The following C10orf143 variants were observed in gnomAD, a reference collection of about 807,000 sequenced individuals.
C10orf143 encodes the protein uncharacterized protein C10orf143.
Position 130,110,569 on chromosome 10 carries a change from G to A in C10orf143, c.69+135C>T, listed in dbSNP as rs1050177304. On this transcript the variant is annotated intron_variant, in intron 1 of 3. Coordinates refer to ENST00000637128, the MANE Select transcript of C10orf143 (RefSeq NM_001355042.2). ...TCACTGGCCACGCCCTCCCAGGGAC[G>A]TACGCGAGCGTGCGAGTGTCTTGGG... 7 of 397,006 alleles carry A rather than the reference G, an allele frequency of 1.8e-5. No homozygotes were observed. The East Asian group carries it at 2.1e-4, about 12-fold the overall frequency. The allele number at this position is 397,006 out of a possible 1,614,324, so 24.6% of individuals were successfully genotyped here. A position where few individuals can be genotyped will look rare whatever the true frequency, so the allele number is the denominator to read the frequency against.
rs1860893485 is a variant in C10orf143, at chr10:130,064,247, AT to A, written c.*106del. ...CACCCACAGAGGACACCGGGCTGCT[AT>A]TTGAACAGGTAAGTCCCCAAACCCA... On this transcript the variant is annotated 3_prime_UTR_variant, in exon 4 of 4. Transcript: ENST00000637128. The A allele has an allele frequency of 2.5e-6, 1 of 396,454 alleles. No individual in the cohort carries two copies. Among genetic ancestry groups the A allele is most frequent in the Non-Finnish European group, 4.4e-6 (1 of 224,792 alleles). The allele number at this position is 396,454 out of a possible 1,614,324, so 24.6% of individuals were successfully genotyped here. A position where few individuals can be genotyped will look rare whatever the true frequency, so the allele number is the denominator to read the frequency against.
At chr10:130,082,830 G>C (rs904967059) in intron 1 of C10orf143, among the ~76,000 whole-genome samples, 20 of 152,116 alleles carry the variant, frequency 1.3e-4, no homozygotes, top group Non-Finnish European at 2.5e-4. Flanking sequence ...CAATTCCTAG[G>C]AGAAAATACA....
In C10orf143 at chr10:130,065,258, G is replaced by T. The variant is rs189971642; in HGVS notation, c.298-875C>A. 1 of 152,216 alleles carries T rather than the reference G, an allele frequency of 6.6e-6. No homozygotes were observed. The highest frequency in any genetic ancestry group is 1.5e-5 in the Non-Finnish European group (1 of 68,082). 9.4% of individuals were successfully genotyped at this position (152,216 alleles called of 1,614,324 possible). A position where few individuals can be genotyped will look rare whatever the true frequency, so the allele number is the denominator to read the frequency against. On this transcript the variant is annotated intron_variant, in intron 3 of 3. Coordinates refer to ENST00000637128, the MANE Select transcript of C10orf143 (RefSeq NM_001355042.2). This position sits in a 1 kb window ranked among gnomAD's most constrained non-coding sequence, Gnocchi z 4.2. Reference sequence around the variant, plus strand: ...GATTATCAGACAGCAGAGTACTGACGTCAGATACTGATGGCTCCTTCGAGT... The same window carrying T: ...GATTATCAGACAGCAGAGTACTGACTTCAGATACTGATGGCTCCTTCGAGT...
intron 1 of C10orf143, among the ~76,000 whole-genome samples, chr10:130,084,500 C>T (rs1564963982): frequency 6.6e-6 from 1 of 152,160 alleles, no homozygotes; most frequent in Non-Finnish European, 1.5e-5. Flanking sequence ...AGCAAAGTTT[C>T]TCACTGTTTA....
At chr10:130,089,943 T>C (rs774925722) in intron 1 of C10orf143, among the ~76,000 whole-genome samples, 86 of 152,252 alleles carry the variant, frequency 5.6e-4, no homozygotes, top group Non-Finnish European at 9.7e-4. Flanking sequence ...ACTAAAAGTG[T>C]AAAATTTTTA....
At chr10:130,058,611 A>G (rs1452001329) in intron 3 of C10orf143, among the ~76,000 whole-genome samples, 2 of 147,516 alleles carry the variant, frequency 1.4e-5, no homozygotes, top group African/African-American at 2.5e-5. Context: ...ATGATCTGGT[A>G]TAACAGTTAC....
At chr10:130,067,786 G>A (rs1042294903) in intron 3 of C10orf143, 2 of 152,322 alleles carry the variant, frequency 1.3e-5, no homozygotes, top group Non-Finnish European at 2.9e-5. Context: ...TCACACCCTT[G>A]CCTCATCTTC....
At chr10:130,042,965 G>A (rs151195692) in intron 3 of C10orf143, among the ~76,000 whole-genome samples, 25 of 152,278 alleles carry the variant, frequency 1.6e-4, no homozygotes, top group African/African-American at 5.5e-4. Flanking sequence ...GTGGAATTAC[G>A]GATTACCTTA....
At chr10:130,039,043 A>C (rs1448800687) in intron 3 of C10orf143, among the ~76,000 whole-genome samples, 1 of 152,186 alleles carries the variant, frequency 6.6e-6, no homozygotes, top group Non-Finnish European at 1.5e-5. Flanking sequence ...AGAAAGGCTC[A>C]GCCTCAGACA....
chr10:130,057,501 T>C (rs948599663), intron 3 of C10orf143, among the ~76,000 whole-genome samples: 1 of 152,166 alleles, frequency 6.6e-6, no homozygotes, highest in African/African-American at 2.4e-5. Context: ...TCTTGACATA[T>C]TGGTAAGCAA....
At chr10:130,077,539 G>A (rs1241658293) in intron 3 of C10orf143, among the ~76,000 whole-genome samples, 4 of 152,228 alleles carry the variant, frequency 2.6e-5, no homozygotes, top group African/African-American at 9.6e-5. Flanking sequence ...ACCATTCTGA[G>A]CTGCCTACGG....
intron 1 of C10orf143, chr10:130,106,822 TAAAG>T (rs890403806): frequency 2.6e-5 from 31 of 1,191,070 alleles, no homozygotes; most frequent in Admixed American, 3.4e-5. Flanking sequence ...TTCTAAATGA[TAAAG>T]AAAATCACAT....
Position 130,075,987 on chromosome 10 carries a change from G to GTTTTTTTTTTTTT in C10orf143, c.297+3578_297+3579insAAAAAAAAAAAAA, listed in dbSNP as rs11374857. Among the ~76,000 whole-genome samples the GTTTTTTTTTTTTT allele has an allele frequency of 1.5e-5, 2 of 133,186 alleles. 1 individual carries two copies. The highest frequency in any genetic ancestry group is 3.2e-5 in the Non-Finnish European group (2 of 62,362). The allele number at this position is 133,186 out of a possible 152,430, so 87.4% of individuals were successfully genotyped here. A position where few individuals can be genotyped will look rare whatever the true frequency, so the allele number is the denominator to read the frequency against. On this transcript the variant is annotated intron_variant, in intron 3 of 3. Coordinates refer to ENST00000637128, the MANE Select transcript of C10orf143 (RefSeq NM_001355042.2). ...GTATGTGTGTGTTTTTTGTTTGTTT[G>GTTTTTTTTTTTTT]TTTGTTTTTTTTTTTGGAAATGATG...
intron 3 of C10orf143, among the ~76,000 whole-genome samples, chr10:130,078,013 A>G (rs1861145494): frequency 6.6e-6 from 1 of 152,240 alleles, no homozygotes; most frequent in Non-Finnish European, 1.5e-5. Flanking sequence ...AGATGAAAAG[A>G]ATATTGAGTA....
intron 3 of C10orf143, among the ~76,000 whole-genome samples, chr10:130,038,672 C>A (rs1042970291): frequency 1.3e-5 from 2 of 152,184 alleles, no homozygotes; most frequent in Non-Finnish European, 2.9e-5. Flanking sequence ...TTCCCCACCC[C>A]CCAGGCTGAG....
intron 3 of C10orf143, among the ~76,000 whole-genome samples, chr10:130,054,120 G>A (rs147702656): frequency 1.4e-4 from 22 of 152,256 alleles, no homozygotes; most frequent in East Asian, 7.7e-4. Flanking sequence ...CGCAGATCTC[G>A]GGAACCCATG....
At chr10:130,055,969 A>AG (rs1564954887) in intron 3 of C10orf143, among the ~76,000 whole-genome samples, 1 of 150,236 alleles carries the variant, frequency 6.7e-6, no homozygotes, top group Non-Finnish European at 1.5e-5. Flanking sequence ...AAAAAAAAAA[A>AG]AAAAAAAAAA....
At chr10:130,063,413 G>A (rs570895799), downstream of C10orf143, among the ~76,000 whole-genome samples, 2 of 152,238 alleles carry the variant, frequency 1.3e-5, no homozygotes, top group East Asian at 1.9e-4. Flanking sequence ...CCTCTTTCCC[G>A]GCTTTGGTTG....
intron 1 of C10orf143, among the ~76,000 whole-genome samples, chr10:130,103,315 G>T (rs1382589360): frequency 6.6e-6 from 1 of 151,908 alleles, no homozygotes; most frequent in Non-Finnish European, 1.5e-5. Context: ...TTTTCCTTTG[G>T]GTATTTAGTT....
Sources: allele counts gnomAD v4.1 joint callset (sites outside exome capture counted in the v4.1 genomes callset), GRCh38; gene constraint gnomAD v4.1.1; non-coding constraint Gnocchi (gnomAD v3.1); transcripts MANE v1.5; gene names NCBI Gene and HGNC (gene_info 2026-07-23, HGNC 2026-07-21).